The following PTK2 variants were observed in gnomAD, a reference collection of about 807,000 sequenced individuals.
The protein encoded by PTK2 is focal adhesion kinase 1.
In PTK2, 45 loss-of-function variants were observed where a neutral mutation model predicts 150.1. That is an observed-to-expected ratio of 0.30 (90% CI 0.24 to 0.38). The LOEUF (loss-of-function observed/expected upper bound fraction) is 0.38, where lower values mean the gene tolerates loss of function less well. PTK2 is among the 10% of genes least tolerant of loss of function. PTK2 has a pLI of 1.00. For synonymous variants in PTK2, 432 were observed against 449.2 expected (o/e 0.96, Z 0.48); for missense variants, 919 against 1,307.3 (o/e 0.70, Z 4.58).
At chr8:140,744,082 C>CTT (rs5895647) in intron 19 of PTK2, among the ~76,000 whole-genome samples, 1 of 144,984 alleles carries the variant, frequency 6.9e-6, no homozygotes, top group Non-Finnish European at 1.5e-5. Flanking sequence ...CGGCCTATTT[C>CTT]TTTTTTTTTT....
chr8:140,955,270 GT>G (rs2100180842), intron 1 of PTK2, among the ~76,000 whole-genome samples: 2 of 152,154 alleles, frequency 1.3e-5, no homozygotes, highest in African/African-American at 4.8e-5. Flanking sequence ...ATGGGGGCAG[GT>G]CTTTCCCGTG....
chr8:140,699,917 T>C (rs972767931), intron 26 of PTK2, among the ~76,000 whole-genome samples: 4 of 152,190 alleles, frequency 2.6e-5, no homozygotes, highest in African/African-American at 9.6e-5. Flanking sequence ...CAGGTCCACA[T>C]TCCTCTATCC....
At chr8:140,880,740 A>G (rs187194485) in intron 3 of PTK2, among the ~76,000 whole-genome samples, 3 of 152,342 alleles carry the variant, frequency 2.0e-5, no homozygotes, top group Admixed American at 2.0e-4. Flanking sequence ...AAAGGATATT[A>G]TCCCCAGCCT....
At chr8:140,903,483 C>T (rs952036303) in intron 2 of PTK2, among the ~76,000 whole-genome samples, 3 of 152,078 alleles carry the variant, frequency 2.0e-5, no homozygotes, top group East Asian at 3.9e-4. Flanking sequence ...GTTGGCTATG[C>T]GGGCTCTTTT....
chr8:140,736,782 C>A (rs537103757), intron 21 of PTK2, among the ~76,000 whole-genome samples: 3 of 152,238 alleles, frequency 2.0e-5, no homozygotes, highest in Admixed American at 2.0e-4. Flanking sequence ...TAATGTAGTT[C>A]TTTATAATGC....
chr8:140,688,376 C>A (rs1228386208), intron 26 of PTK2, among the ~76,000 whole-genome samples: 2 of 152,088 alleles, frequency 1.3e-5, no homozygotes, highest in Non-Finnish European at 1.5e-5. Context: ...TAAAAATATT[C>A]ATTTAAAAGC....
At chr8:140,943,594 G>C (rs2100176618) in intron 1 of PTK2, among the ~76,000 whole-genome samples, 1 of 152,182 alleles carries the variant, frequency 6.6e-6, no homozygotes, top group Non-Finnish European at 1.5e-5. Context: ...ATATTTAGAA[G>C]TAGGACTGCT....
chr8:140,728,940 A>C (rs982000033), intron 22 of PTK2, among the ~76,000 whole-genome samples: 1 of 152,150 alleles, frequency 6.6e-6, no homozygotes, highest in African/African-American at 2.4e-5. Context: ...AAATTGATAC[A>C]CGCACACATG....
intron 1 of PTK2, among the ~76,000 whole-genome samples, chr8:140,950,929 G>A (rs1157590863): frequency 6.6e-6 from 1 of 151,948 alleles, no homozygotes. Context: ...CCACAGATAT[G>A]GAGGGATCAC....
At chr8:140,680,026 A>C (rs1267216644) in intron 27 of PTK2, among the ~76,000 whole-genome samples, 1 of 152,140 alleles carries the variant, frequency 6.6e-6, no homozygotes, top group Non-Finnish European at 1.5e-5. Context: ...GCACTTAGGC[A>C]AGTTTTCTCT....
chr8:140,710,102 C>T (rs1024694802), intron 23 of PTK2, among the ~76,000 whole-genome samples: 3 of 152,024 alleles, frequency 2.0e-5, no homozygotes, highest in African/African-American at 7.3e-5. Context: ...TTGCTTTGAG[C>T]TCAGGAGTTT....
At chr8:140,961,560 G>T (rs988837909) in intron 1 of PTK2, among the ~76,000 whole-genome samples, 5 of 152,016 alleles carry the variant, frequency 3.3e-5, no homozygotes, top group Admixed American at 2.6e-4. Flanking sequence ...TACTTGGGAG[G>T]CTGAGGCAGG....
chr8:140,879,732 A>C (rs532837922), intron 3 of PTK2, 95 bp from the exon 4 acceptor site: 1 of 1,125,186 alleles, frequency 8.9e-7, no homozygotes, highest in East Asian at 2.9e-5. Context: ...AACAAAAAAA[A>C]AACTATATGC....
chr8:140,829,268 T>C (rs762818376), intron 8 of PTK2, among the ~76,000 whole-genome samples: 7 of 136,126 alleles, frequency 5.1e-5, no homozygotes, highest in African/African-American at 1.8e-4. Context: ...CAAGAAGCTA[T>C]GTGAGAGAGG....
At chr8:140,742,006 C>T (rs556738061) in intron 20 of PTK2, among the ~76,000 whole-genome samples, 40 of 152,236 alleles carry the variant, frequency 2.6e-4, no homozygotes, top group Non-Finnish European at 2.1e-4. Flanking sequence ...CATGGTGGCG[C>T]ACGCCCGTAG....
chr8:140,735,752 T>G (rs1476378761), intron 21 of PTK2, among the ~76,000 whole-genome samples: 1 of 152,242 alleles, frequency 6.6e-6, no homozygotes, highest in African/African-American at 2.4e-5. Flanking sequence ...TGGTACTTCG[T>G]GGCTTAATGC....
At chr8:140,766,579 G>A (rs1334907843) in intron 14 of PTK2, among the ~76,000 whole-genome samples, 1 of 152,164 alleles carries the variant, frequency 6.6e-6, no homozygotes, top group Non-Finnish European at 1.5e-5. Context: ...CACGTATCTT[G>A]CTCAACACTG....
At chr8:140,960,076 A>G (rs899981716) in intron 1 of PTK2, among the ~76,000 whole-genome samples, 6 of 151,630 alleles carry the variant, frequency 4.0e-5, no homozygotes, top group Non-Finnish European at 5.9e-5. Context: ...TATCCCTGAG[A>G]GATACAATTC....
intron 4 of PTK2, among the ~76,000 whole-genome samples, chr8:140,873,975 C>T (rs1173978530): frequency 6.6e-6 from 1 of 152,188 alleles, no homozygotes; most frequent in Non-Finnish European, 1.5e-5. Context: ...ATCCCAGGGC[C>T]AGAGATACAT....
Sources: allele counts gnomAD v4.1 joint callset (sites outside exome capture counted in the v4.1 genomes callset), GRCh38; gene constraint gnomAD v4.1.1; transcripts MANE v1.5; gene names NCBI Gene and HGNC (gene_info 2026-07-23, HGNC 2026-07-21).